The following EPHB2 variants were observed in gnomAD, a reference collection of about 807,000 sequenced individuals.
EPHB2 encodes the protein EPH receptor B2, also known as ephrin type-B receptor 2.
Under a neutral mutation model 96.4 loss-of-function variants are expected in EPHB2, and 18 were observed. That is an observed-to-expected ratio of 0.19 (90% CI 0.13 to 0.28). The LOEUF is 0.28. Among genes scored for constraint, EPHB2 ranks in the 10% least tolerant of loss-of-function variants. The pLI is 1.00. For synonymous variants in EPHB2, 506 were observed against 534.1 expected (o/e 0.95, Z 0.72); for missense variants, 989 against 1,355.4 (o/e 0.73, Z 4.25).
rs1260928228 is a variant in EPHB2, at chr1:22,884,070, A to ATG, written c.1428+1587_1428+1588insTG. Among the ~76,000 whole-genome samples the ATG allele has an allele frequency of 3.7e-5, 5 of 135,228 alleles. No homozygotes were observed. The Admixed American group carries it at 4.0e-4, about 11-fold the overall frequency. 88.7% of individuals were successfully genotyped at this position (135,228 alleles called of 152,430 possible). The stretch of plus-strand genomic sequence containing the variant: ...GTCCCTCCCAAATGTCACCTCCGCC[A>ATG]CAAGTGAACATGGACTCTGCCCCTC... On this transcript the variant is annotated intron_variant, in intron 6 of 15. Coordinates refer to ENST00000374630, the MANE Select transcript of EPHB2 (RefSeq NM_017449.5).
chr1:22,739,788 G>T (rs1054502892), intron 1 of EPHB2, among the ~76,000 whole-genome samples: 6 of 152,194 alleles, frequency 3.9e-5, no homozygotes, highest in African/African-American at 1.4e-4. Context: ...GAAGCTGGGA[G>T]TAGAAGGAAG....
chr1:22,798,714 G>A (rs1407737157), intron 3 of EPHB2, among the ~76,000 whole-genome samples: 1 of 152,094 alleles, frequency 6.6e-6, no homozygotes, highest in Non-Finnish European at 1.5e-5. Flanking sequence ...GAGACTGACT[G>A]ACTTGGTTAC....
chr1:22,864,034 C>T (rs945052967), intron 4 of EPHB2, among the ~76,000 whole-genome samples: 4 of 131,160 alleles, frequency 3.0e-5, no homozygotes, highest in African/African-American at 1.3e-4. Flanking sequence ...AGTTTCTGTT[C>T]TTTTTTTTTT....
At chr1:22,880,271 C>T (rs562278710) in intron 5 of EPHB2, among the ~76,000 whole-genome samples, 4 of 152,298 alleles carry the variant, frequency 2.6e-5, no homozygotes, top group Admixed American at 2.6e-4. Context: ...CTTCAAACCC[C>T]ACAGCTGATG....
chr1:22,757,635 G>C (rs1197166592), intron 1 of EPHB2, among the ~76,000 whole-genome samples: 1 of 152,150 alleles, frequency 6.6e-6, no homozygotes, highest in East Asian at 1.9e-4. Context: ...GCTGAGGCAG[G>C]TGGATTGCTT....
chr1:22,720,660 T>TCCCCCCCCCCCCCCCCCCCCCCCC (rs916713865), intron 1 of EPHB2, among the ~76,000 whole-genome samples: 1 of 57,380 alleles, frequency 1.7e-5, no homozygotes, highest in African/African-American at 6.2e-5. Context: ...GAAATCTCAT[T>TCCCCCCCCCCCCCCCCCCCCCCCC]CCCCCCCCCC....
Position 22,818,442 on chromosome 1 carries a change from C to T in EPHB2, c.811+33366C>T, listed in dbSNP as rs540814505. Among the ~76,000 whole-genome samples the T allele has an allele frequency of 3.3e-5, 5 of 152,266 alleles. No individual in the cohort carries two copies. The South Asian group carries it at 8.3e-4, about 25-fold the overall frequency. ...TGGTCTCCCTGCGCCCCCTGCCTGCCCTCTTCCCCATCCAGCCATTCCCCT... is the reference window on the plus strand; with the variant it reads ...TGGTCTCCCTGCGCCCCCTGCCTGCTCTCTTCCCCATCCAGCCATTCCCCT... On this transcript the variant is annotated intron_variant, in intron 3 of 15. Transcript: ENST00000374630.
chr1:22,847,399 A>G (rs969632698), intron 3 of EPHB2, among the ~76,000 whole-genome samples: 4 of 152,246 alleles, frequency 2.6e-5, no homozygotes, highest in Admixed American at 2.0e-4. Flanking sequence ...CAGCTGCTCA[A>G]TAAATGGTGG....
At chr1:22,912,422 T>C in intron 14 of EPHB2, 22 bp from the exon 15 acceptor site, 2 of 1,613,658 alleles carry the variant, frequency 1.2e-6, no homozygotes, top group Non-Finnish European at 1.7e-6. Flanking sequence ...TGACCATCTC[T>C]GTCGCCCACC....
At chr1:22,829,373 C>G (rs928419087) in intron 3 of EPHB2, among the ~76,000 whole-genome samples, 2 of 152,244 alleles carry the variant, frequency 1.3e-5, no homozygotes, top group Non-Finnish European at 2.9e-5. Flanking sequence ...CCCACCAGAT[C>G]AGCTTCCAGC....
At chr1:22,759,204 A>G (rs1644200037) in intron 1 of EPHB2, among the ~76,000 whole-genome samples, 1 of 152,124 alleles carries the variant, frequency 6.6e-6, no homozygotes, top group Admixed American at 6.5e-5. Context: ...CTTGGAGGCC[A>G]GCATAGCCAC....
chr1:22,745,994 A>G (rs1483673432), intron 1 of EPHB2, among the ~76,000 whole-genome samples: 1 of 152,200 alleles, frequency 6.6e-6, no homozygotes, highest in East Asian at 1.9e-4. Flanking sequence ...TAACTTCTCT[A>G]TATGCCAGCA....
chr1:22,837,737 T>A (rs550657985), intron 3 of EPHB2, among the ~76,000 whole-genome samples: 153 of 152,218 alleles, frequency 1.0e-3, no homozygotes, highest in East Asian at 7.0e-3. Context: ...CCAGAATTCT[T>A]AGCAACAGAC....
At chr1:22,743,467 T>A (rs6426764) in intron 1 of EPHB2, among the ~76,000 whole-genome samples, 38,765 of 151,980 alleles carry the variant, frequency 0.26, 5,230 homozygotes, top group Middle Eastern at 0.31. Context: ...AATTTAATTT[T>A]ATTTTTTAAT....
intron 1 of EPHB2, among the ~76,000 whole-genome samples, chr1:22,726,902 G>T (rs1019815361): frequency 3.9e-5 from 6 of 152,164 alleles, no homozygotes; most frequent in African/African-American, 1.4e-4. Flanking sequence ...GTAGGATTTT[G>T]ATACATAGTA....
intron 1 of EPHB2, among the ~76,000 whole-genome samples, chr1:22,743,251 G>C (rs1449172842): frequency 6.6e-6 from 1 of 152,044 alleles, no homozygotes; most frequent in Non-Finnish European, 1.5e-5. Context: ...GGAATGTATT[G>C]GCTATTAATG....
At chr1:22,800,723 T>C (rs530473290) in intron 3 of EPHB2, among the ~76,000 whole-genome samples, 102 of 151,402 alleles carry the variant, frequency 6.7e-4, no homozygotes, top group Non-Finnish European at 1.2e-3. Context: ...TGTGTGTGTG[T>C]GCACGCACAT....
intron 1 of EPHB2, among the ~76,000 whole-genome samples, chr1:22,715,195 T>C (rs1384724312): frequency 4.6e-5 from 7 of 152,222 alleles, no homozygotes; most frequent in Non-Finnish European, 7.3e-5. Context: ...GAGAATGATA[T>C]GGAGATGGAG....
At chr1:22,823,272 T>G (rs1265255839) in intron 3 of EPHB2, among the ~76,000 whole-genome samples, 1 of 152,176 alleles carries the variant, frequency 6.6e-6, no homozygotes, top group East Asian at 1.9e-4. Context: ...GGCCCATCCT[T>G]CATAACTCAA....
Sources: allele counts gnomAD v4.1 joint callset (sites outside exome capture counted in the v4.1 genomes callset), GRCh38; gene constraint gnomAD v4.1.1; transcripts MANE v1.5; gene names NCBI Gene and HGNC (gene_info 2026-07-23, HGNC 2026-07-21).